COL24A1: variants seen among roughly 807,000 people sequenced by gnomAD.
COL24A1 encodes collagen type XXIV alpha 1 chain.
Under a neutral mutation model 253.9 loss-of-function variants are expected in COL24A1, and 224 were observed. The ratio of observed to expected loss-of-function variants is 0.88; its 90% CI spans 0.79 to 0.99. The LOEUF is 0.99. COL24A1 is among the 50% of genes least tolerant of loss of function. The probability of loss-of-function intolerance (pLI) is 0.00; values close to 1 mark genes in which losing one functional copy is unlikely to be tolerated. For synonymous variants in COL24A1, 685 were observed against 673.7 expected, an observed-to-expected ratio of 1.02 and a Z score of -0.26; for missense variants, 2,131 against 2,068.5, an observed-to-expected ratio of 1.03 and a Z score of -0.59.
chr1:86,042,086 G>A (rs577062311), intron 12 of COL24A1, among the ~76,000 whole-genome samples: 15 of 152,162 alleles, frequency 9.9e-5, no homozygotes, highest in East Asian at 3.9e-4. Flanking sequence ...ACTACACCTC[G>A]CTATCCAAAA....
chr1:85,874,329 T>G (rs1013884391), intron 35 of COL24A1, among the ~76,000 whole-genome samples: 2 of 152,222 alleles, frequency 1.3e-5, no homozygotes, highest in Admixed American at 6.5e-5. Flanking sequence ...TTCTGAGAGT[T>G]GTTCACTGGT....
intron 47 of COL24A1, among the ~76,000 whole-genome samples, chr1:85,805,798 G>A (rs867728520): frequency 5.3e-5 from 8 of 152,228 alleles, no homozygotes; most frequent in South Asian, 2.1e-4. Flanking sequence ...GAAATAGGCC[G>A]GGCGCGGTGG....
At chr1:86,021,865 C>A (rs532865439) in intron 18 of COL24A1, among the ~76,000 whole-genome samples, 1 of 152,064 alleles carries the variant, frequency 6.6e-6, no homozygotes, top group Admixed American at 6.5e-5. Context: ...AACATGCTAC[C>A]TTTTCTTCAG....
At chr1:85,979,267 C>A (rs1693004875) in intron 20 of COL24A1, among the ~76,000 whole-genome samples, 1 of 152,008 alleles carries the variant, frequency 6.6e-6, no homozygotes, top group Non-Finnish European at 1.5e-5. Context: ...AATTTAAGGT[C>A]ACACCTCAAG....
At chr1:85,834,279 A>AGAGT (rs1296900249) in intron 43 of COL24A1, among the ~76,000 whole-genome samples, 2 of 151,200 alleles carry the variant, frequency 1.3e-5, no homozygotes, top group African/African-American at 2.5e-5. Flanking sequence ...TCATAGAGAC[A>AGAGT]GAGTGAGTGA....
intron 24 of COL24A1, among the ~76,000 whole-genome samples, chr1:85,933,087 TAAA>T (rs747954578): frequency 5.4e-4 from 67 of 123,626 alleles, no homozygotes; most frequent in South Asian, 1.1e-3. Context: ...TAGAGTATAA[TAAA>T]AAAAAAAAAA....
chr1:86,117,684 C>A (rs1312924765), intron 3 of COL24A1, among the ~76,000 whole-genome samples: 2 of 152,116 alleles, frequency 1.3e-5, no homozygotes, highest in Non-Finnish European at 2.9e-5. Context: ...TAGGCATTTT[C>A]TAGATACCAG....
intron 12 of COL24A1, among the ~76,000 whole-genome samples, chr1:86,037,025 C>A (rs186906997): frequency 5.3e-4 from 80 of 152,276 alleles, no homozygotes; most frequent in African/African-American, 1.9e-3. Context: ...TTCTAATGAG[C>A]ATGCCAGAGT....
intron 24 of COL24A1, among the ~76,000 whole-genome samples, chr1:85,941,765 A>G (rs1688780975): frequency 6.6e-6 from 1 of 152,062 alleles, no homozygotes; most frequent in Admixed American, 6.6e-5. Flanking sequence ...AGCTTACTTT[A>G]TTTTTTCATT....
At chr1:86,097,684 TTCTTCC>T (rs1392389130) in intron 5 of COL24A1, among the ~76,000 whole-genome samples, 2 of 149,712 alleles carry the variant, frequency 1.3e-5, no homozygotes, top group Admixed American at 6.7e-5. Flanking sequence ...CTCCTCCTTC[TTCTTCC>T]TCTTCCTCTT....
chr1:86,151,304 T>C (rs1198672531), intron 1 of COL24A1, among the ~76,000 whole-genome samples: 7 of 152,194 alleles, frequency 4.6e-5, no homozygotes, highest in Non-Finnish European at 1.0e-4. Context: ...ATTCAAAACA[T>C]GTTTGTTTTC....
chr1:86,024,091 C>G (rs533290041), intron 14 of COL24A1, among the ~76,000 whole-genome samples: 4 of 152,132 alleles, frequency 2.6e-5, no homozygotes, highest in South Asian at 4.2e-4. Context: ...CCTTTCCTTC[C>G]ATTGTCCTCA....
At position 85,973,164 on chromosome 1, in the gene COL24A1, A is replaced by G. The variant is rs542741292; in HGVS notation, c.2365-1771T>C. On this transcript the variant is annotated intron_variant, in intron 20 of 59. Coordinates refer to ENST00000370571, the MANE Select transcript of COL24A1 (RefSeq NM_152890.7). Reference sequence around the variant, plus strand: ...TAGAATGTTGTGATATTTGCATTCTACCACCTGTCAGCTAGTGTTTAATCA... The same window carrying G: ...TAGAATGTTGTGATATTTGCATTCTGCCACCTGTCAGCTAGTGTTTAATCA... Among the ~76,000 whole-genome samples, 42 of 152,310 alleles carry G rather than the reference A, an allele frequency of 2.8e-4. No homozygotes were observed. The East Asian group carries it at 7.1e-3, about 26-fold the overall frequency.
chr1:85,824,617 C>T (rs938024693), intron 43 of COL24A1, among the ~76,000 whole-genome samples: 6 of 152,122 alleles, frequency 3.9e-5, no homozygotes, highest in Admixed American at 6.5e-5. Flanking sequence ...CTCTGACATT[C>T]GGCAATCTGT....
intron 19 of COL24A1, among the ~76,000 whole-genome samples, chr1:86,007,049 AAAT>A (rs147729217): frequency 3.3e-5 from 5 of 151,094 alleles, no homozygotes; most frequent in Admixed American, 1.3e-4. Context: ...TTGTCTCTAC[AAAT>A]AATAATAATA....
intron 32 of COL24A1, among the ~76,000 whole-genome samples, chr1:85,878,379 G>A (rs1360629554): frequency 1.3e-5 from 2 of 152,162 alleles, no homozygotes; most frequent in Non-Finnish European, 2.9e-5. Context: ...TCCCAATCAT[G>A]AGGGCACAGC....
In COL24A1 at chr1:85,823,588, C is replaced by T. The variant is rs768531204; in HGVS notation, c.3737G>A (p.Gly1246Asp). Residue 1246 changes from glycine (G) to aspartate (D), a missense_variant and splice_region_variant, in exon 45 of 60, where the codon GGC becomes GAC. Coordinates refer to ENST00000370571, the MANE Select transcript of COL24A1 (RefSeq NM_152890.7). ...TTGTTCACCCTGGTCACCTGGTTCG[C>T]CCTTTAGTAGAAACCAAAATAAAAA... Reference protein sequence around the residue: ...RGATGQQGPPGEPGDQGEQGL... With the variant: ...RGATGQQGPPDEPGDQGEQGL... The T allele has an allele frequency of 6.2e-7, 1 of 1,613,952 alleles. No homozygotes were observed. Among genetic ancestry groups the T allele is most frequent in the East Asian group, 2.2e-5 (1 of 44,864 alleles).
chr1:85,918,551 A>G (rs953106331), intron 24 of COL24A1, among the ~76,000 whole-genome samples: 10 of 152,182 alleles, frequency 6.6e-5, no homozygotes, highest in African/African-American at 2.2e-4. Flanking sequence ...ACAAAGGTTT[A>G]TATCAGTGGT....
intron 5 of COL24A1, among the ~76,000 whole-genome samples, chr1:86,102,682 T>C (rs1457955601): frequency 6.6e-6 from 1 of 152,178 alleles, no homozygotes; most frequent in East Asian, 1.9e-4. Flanking sequence ...AATGTAATTG[T>C]ATGGTTTTGA....
Sources: gnomAD v4.1 joint callset for allele counts (sites outside exome capture counted in the v4.1 genomes callset) on GRCh38, gnomAD v4.1.1 for gene constraint, MANE v1.5 for transcripts, NCBI Gene and HGNC (gene_info 2026-07-23, HGNC 2026-07-21) for gene names.